Variants in DLG2 observed in about 807,000 individuals in gnomAD.
DLG2 encodes disks large homolog 2.
In DLG2, 45 loss-of-function variants were observed where a neutral mutation model predicts 132.5. The ratio of observed to expected loss-of-function variants is 0.34; its 90% CI spans 0.27 to 0.44. DLG2 has a LOEUF of 0.44. Among genes scored for constraint, DLG2 ranks in the 20% least tolerant of loss-of-function variants. DLG2 has a pLI of 1.00. For synonymous variants in DLG2, 424 were observed against 419.6 expected (o/e 1.01, Z -0.13); for missense variants, 1,045 against 1,196.9 (o/e 0.87, Z 1.87).
At chr11:84,077,789 C>T (rs1457190790) in intron 10 of DLG2, among the ~76,000 whole-genome samples, 2 of 152,168 alleles carry the variant, frequency 1.3e-5, no homozygotes, top group African/African-American at 2.4e-5. Flanking sequence ...AAAAATCACA[C>T]TTTTCTTTCT....
At chr11:85,577,416 G>C (rs1208494406) in intron 3 of DLG2, among the ~76,000 whole-genome samples, 1 of 152,094 alleles carries the variant, frequency 6.6e-6, no homozygotes, top group African/African-American at 2.4e-5. Context: ...CAGTGATGTT[G>C]CCTGTGTTCT....
chr11:85,021,618 G>A lies in DLG2; in HGVS notation c.357+90043C>T, dbSNP rs1318060369. 2.3e-5 allele frequency: 31 copies of A among 1,325,292 alleles called. No homozygotes were observed. In the East Asian group the frequency reaches 6.4e-4, roughly 28 times the overall value. The allele number at this position is 1,325,292 out of a possible 1,614,324, so 82.1% of individuals were successfully genotyped here. A position where few individuals can be genotyped will look rare whatever the true frequency, so the allele number is the denominator to read the frequency against. ...CAGTGAACACACGGGAGTTCATGGA[G>A]CGAGGATCTGTCTTGTTGGTAACGT... On this transcript the variant is annotated intron_variant, in intron 6 of 27. Transcript: ENST00000376104.
At chr11:85,357,577 CT>C (rs1280988293) in intron 3 of DLG2, among the ~76,000 whole-genome samples, 1 of 139,986 alleles carries the variant, frequency 7.1e-6, no homozygotes. Context: ...CTGGCTTCCT[CT>C]TTTCCTGACA....
chr11:83,772,527 AGGAG>A (rs2094439609), intron 18 of DLG2, among the ~76,000 whole-genome samples: 1 of 150,778 alleles, frequency 6.6e-6, no homozygotes, highest in Non-Finnish European at 1.5e-5. Context: ...GAAGGAAGGA[AGGAG>A]GGAAGGAAGG....
At chr11:84,271,638 C>T (rs1288026520) in intron 7 of DLG2, among the ~76,000 whole-genome samples, 1 of 152,128 alleles carries the variant, frequency 6.6e-6, no homozygotes, top group Non-Finnish European at 1.5e-5. Flanking sequence ...TCTTTATGTG[C>T]CAGGCACTGT....
intron 18 of DLG2, among the ~76,000 whole-genome samples, chr11:83,732,609 A>C (rs973275011): frequency 3.3e-5 from 5 of 152,240 alleles, no homozygotes; most frequent in Non-Finnish European, 5.9e-5. Flanking sequence ...TATAAAACCA[A>C]GAATTCATTA....
chr11:83,525,638 C>T (rs2095588199), intron 21 of DLG2, among the ~76,000 whole-genome samples: 1 of 152,158 alleles, frequency 6.6e-6, no homozygotes, highest in African/African-American at 2.4e-5. Flanking sequence ...GAGGGCAAAG[C>T]CTGCCTTCCT....
intron 9 of DLG2, among the ~76,000 whole-genome samples, chr11:84,147,667 A>G (rs937768615): frequency 8.5e-5 from 13 of 152,264 alleles, no homozygotes; most frequent in African/African-American, 3.1e-4. Context: ...TAACATACTT[A>G]AATATATATT....
intron 7 of DLG2, among the ~76,000 whole-genome samples, chr11:84,503,861 T>C (rs1274507101): frequency 6.6e-6 from 1 of 152,174 alleles, no homozygotes; most frequent in African/African-American, 2.4e-5. Flanking sequence ...AATGACGACT[T>C]TACATTTTGT....
rs373500684 is a variant in DLG2 at position 83,745,137 on chromosome 11, G to A, written c.1825+41553C>T. On this transcript the variant is annotated intron_variant, in intron 18 of 27. Transcript: ENST00000376104. ...CGATCAACTCATCTGCTCATCCTGA[G>A]GTTCTTTTTACAGGATTTAAACCCC... Among the ~76,000 whole-genome samples the A allele has an allele frequency of 3.3e-5, 5 of 152,196 alleles. No individual in the cohort carries two copies. The South Asian group carries it at 8.3e-4, about 25-fold the overall frequency.
intron 3 of DLG2, among the ~76,000 whole-genome samples, chr11:85,544,803 G>A (rs574330368): frequency 8.3e-4 from 126 of 152,094 alleles, no homozygotes; most frequent in Non-Finnish European, 1.3e-3. Flanking sequence ...TGTTACTGGC[G>A]TATAAGAACG....
intron 12 of DLG2, among the ~76,000 whole-genome samples, chr11:83,975,268 C>A (rs906899128): frequency 6.6e-6 from 1 of 151,924 alleles, no homozygotes; most frequent in Non-Finnish European, 1.5e-5. Context: ...AATTCAAGGC[C>A]AAGAGAATCT....
chr11:85,445,070 A>T (rs541659016), intron 3 of DLG2, among the ~76,000 whole-genome samples: 1 of 152,350 alleles, frequency 6.6e-6, no homozygotes, highest in South Asian at 2.1e-4. Flanking sequence ...ATAAAAGTGT[A>T]CTAAAACAAT....
At chr11:83,871,477 A>G (rs772402842) in intron 16 of DLG2, among the ~76,000 whole-genome samples, 1 of 152,226 alleles carries the variant, frequency 6.6e-6, no homozygotes, top group Non-Finnish European at 1.5e-5. Context: ...AAAATATCCT[A>G]TGTAGTTGCT....
chr11:84,410,299 G>GGAC lies in DLG2; in HGVS notation c.519+124268_519+124270dup, dbSNP rs1339573771. Among the ~76,000 whole-genome samples, 10 of 152,162 alleles carry GGAC rather than the reference G, an allele frequency of 6.6e-5. No homozygotes were observed. The East Asian group carries it at 1.4e-3, about 21-fold the overall frequency. On this transcript the variant is annotated intron_variant, in intron 7 of 27. Transcript: ENST00000376104. Reference sequence around the variant, plus strand: ...ATGATAGATCAAGGATTAAAACTCAGGACTCACACTGTCAAGCTGATGGCT... The same window carrying GGAC: ...ATGATAGATCAAGGATTAAAACTCAGGACGACTCACACTGTCAAGCTGATGGCT...
intron 3 of DLG2, among the ~76,000 whole-genome samples, chr11:85,401,065 T>C (rs2088040572): frequency 6.6e-6 from 1 of 151,332 alleles, no homozygotes; most frequent in Admixed American, 6.6e-5. Flanking sequence ...ATAACCCTGA[T>C]GAACATTGAT....
chr11:85,128,450 C>A (rs1048154112), intron 5 of DLG2, among the ~76,000 whole-genome samples: 3 of 152,090 alleles, frequency 2.0e-5, no homozygotes, highest in Non-Finnish European at 2.9e-5. Context: ...TTTGGGTGCC[C>A]ATGGTCAGAA....
intron 3 of DLG2, among the ~76,000 whole-genome samples, chr11:85,397,036 G>C (rs1248672520): frequency 6.6e-6 from 1 of 152,112 alleles, no homozygotes; most frequent in East Asian, 1.9e-4. Flanking sequence ...GAGAGAGGTT[G>C]GGTTACCCAC....
At chr11:84,980,636 T>C (rs1253241627) in intron 6 of DLG2, among the ~76,000 whole-genome samples, 2 of 152,106 alleles carry the variant, frequency 1.3e-5, no homozygotes, top group African/African-American at 2.4e-5. Context: ...ACCAAAACAT[T>C]ATAGGTAAAA....
Sources: gnomAD v4.1 joint callset for allele counts (sites outside exome capture counted in the v4.1 genomes callset) on GRCh38, gnomAD v4.1.1 for gene constraint, MANE v1.5 for transcripts, NCBI Gene and HGNC (gene_info 2026-07-23, HGNC 2026-07-21) for gene names.